Variants in GLIPR1 observed in about 807,000 individuals in gnomAD.
GLIPR1 encodes glioma pathogenesis-related protein 1.
In GLIPR1, 38 loss-of-function variants were observed where a neutral mutation model predicts 30.3. The ratio of observed to expected loss-of-function variants is 1.26; its 90% CI spans 0.97 to 1.65. The LOEUF (loss-of-function observed/expected upper bound fraction) is 1.65, where lower values mean the gene tolerates loss of function less well. Among genes scored for constraint, GLIPR1 ranks in the 40% most tolerant of loss-of-function variants. GLIPR1 has a pLI of 0.00. For synonymous variants in GLIPR1, 122 were observed against 110.6 expected, an observed-to-expected ratio of 1.10 and a Z score of -0.65; for missense variants, 285 against 326.5, an observed-to-expected ratio of 0.87 and a Z score of 0.98.
chr12:75,487,649 G>C, intron 2 of GLIPR1: 1 of 410,334 alleles, frequency 2.4e-6, no homozygotes, highest in South Asian at 1.7e-5. Context: ...CCCTAGTCAC[G>C]TCCCCACTTC....
In GLIPR1 at chr12:75,503,413, A is replaced by AG. The variant is rs985396924; in HGVS notation, c.*4439dup. On this transcript the variant is annotated 3_prime_UTR_variant, in exon 6 of 6. Coordinates refer to ENST00000266659, the MANE Select transcript of GLIPR1 (RefSeq NM_006851.3). The stretch of plus-strand genomic sequence containing the variant: ...CTGAGAAGGTGGGACAGAAGTAAAA[A>AG]GGGGCATGAATCAAAACAATGATGT... 1 of 152,208 alleles carries AG rather than the reference A, an allele frequency of 6.6e-6. No homozygotes were observed. Among genetic ancestry groups the AG allele is most frequent in the Non-Finnish European group, 1.5e-5 (1 of 68,014 alleles). The allele number at this position is 152,208 out of a possible 1,614,324, so 9.4% of individuals were successfully genotyped here. A position where few individuals can be genotyped will look rare whatever the true frequency, so the allele number is the denominator to read the frequency against.
Position 75,498,697 on chromosome 12 carries a change from A to C in GLIPR1, c.623A>C (p.Asn208Thr), listed in dbSNP as rs755963187. The change falls in exon 5 of 6, where the codon AAC becomes ACC. Residue 208 changes from asparagine to threonine, a missense_variant. Coordinates refer to ENST00000266659, the MANE Select transcript of GLIPR1 (RefSeq NM_006851.3). Reference protein sequence around the residue: ...NDKCLDNLCVNRQRDQVKRYY... With the variant: ...NDKCLDNLCVTRQRDQVKRYY... ...TTTCTTCCCCCTAACTTTACAGTTAACCGACAGCGAGACCAAGTCAAACGT... is the reference window on the plus strand; with the variant it reads ...TTTCTTCCCCCTAACTTTACAGTTACCCGACAGCGAGACCAAGTCAAACGT... 10 of 1,612,502 alleles carry C rather than the reference A, an allele frequency of 6.2e-6. No individual in the cohort carries two copies. In the African/African-American group the frequency reaches 1.3e-4, roughly 22 times the overall value.
chr12:75,481,840 G>T lies in GLIPR1; in HGVS notation c.181G>T (p.Asp61Tyr). The change falls in exon 2 of 6, where the codon GAC becomes TAC. Residue 61 changes from aspartate (D) to tyrosine (Y), a missense_variant. Physicochemically the swap from Asp to Tyr is radical, Grantham distance 160. Coordinates refer to ENST00000266659, the MANE Select transcript of GLIPR1 (RefSeq NM_006851.3). ...TTAATGTTTATTTTTGCAGACTTGG[G>T]ACCCAGCACTAGCCCAAATTGCAAA... ...TASDMLYMTW[D>Y]PALAQIAKAW... 2 of 1,613,908 alleles carry T rather than the reference G, an allele frequency of 1.2e-6. No individual in the cohort carries two copies. The highest frequency in any genetic ancestry group is 1.1e-5 in the South Asian group (1 of 91,062).
At chr12:75,491,544 C>T (rs1195917164) in intron 3 of GLIPR1, 2 of 152,076 alleles carry the variant, frequency 1.3e-5, no homozygotes, top group African/African-American at 4.8e-5. Flanking sequence ...AGACTGTGAC[C>T]ATTTTTGTTT....
At chr12:75,487,583 T>C (rs2046299457) in intron 2 of GLIPR1, among the ~76,000 whole-genome samples, 1 of 152,088 alleles carries the variant, frequency 6.6e-6, no homozygotes, top group African/African-American at 2.4e-5. Context: ...CAAAGGAGGG[T>C]ACCCTCTCCA....
Position 75,503,804 on chromosome 12 carries a change from T to C in GLIPR1, c.*4826T>C. On this transcript the variant is annotated 3_prime_UTR_variant, in exon 6 of 6. Transcript: ENST00000266659. ...TCTGCACACACACACACAATATATA[T>C]ATATACACATATCCCACCTGAAATA... The C allele has an allele frequency of 9.6e-7, 1 of 1,037,292 alleles. No individual in the cohort carries two copies. The highest frequency in any genetic ancestry group is 2.4e-5 in the East Asian group (1 of 41,772). The allele number at this position is 1,037,292 out of a possible 1,614,324, so 64.3% of individuals were successfully genotyped here.
chr12:75,490,502 T>A lies in GLIPR1; in HGVS notation c.517T>A (p.Cys173Ser). The change falls in exon 3 of 6, where the codon TGC becomes AGC. Residue 173 changes from cysteine to serine, a missense_variant. Transcript: ENST00000266659. ...TCTTTCCAATGGAGCACATTTTATA[T>A]GCAACTACGGACCAGGGTAAGTGCC... The part of the protein sequence containing the change: ...DALSNGAHFI[C>S]NYGPGGNYPT... 7.4e-7 allele frequency: 1 copy of A among 1,354,882 alleles called. No homozygotes were observed. The highest frequency in any genetic ancestry group is 1.2e-5 in the South Asian group (1 of 86,464). 83.9% of individuals were successfully genotyped at this position (1,354,882 alleles called of 1,614,324 possible). A position where few individuals can be genotyped will look rare whatever the true frequency, so the allele number is the denominator to read the frequency against.
chr12:75,486,926 T>C (rs184474639), intron 2 of GLIPR1, among the ~76,000 whole-genome samples: 2 of 152,258 alleles, frequency 1.3e-5, no homozygotes, highest in South Asian at 2.1e-4. Flanking sequence ...CATAGAAATG[T>C]ACATCTAAAA....
chr12:75,499,811 AC>A lies in GLIPR1; in HGVS notation c.*834del. 6.3e-7 allele frequency: 1 copy of A among 1,597,006 alleles called. No individual in the cohort carries two copies. Among genetic ancestry groups the A allele is most frequent in the South Asian group, 1.1e-5 (1 of 87,912 alleles). ...CTAGTCAAGGAGTTTTGGGTATGTT[AC>A]TTTTTTTTCTTCTTTTTCTTTTCAT... is the stretch of plus-strand genomic sequence containing the variant. On this transcript the variant is annotated 3_prime_UTR_variant, in exon 6 of 6. Transcript: ENST00000266659.
At position 75,485,056 on chromosome 12, in the gene GLIPR1, G is replaced by A. The variant is rs536181269; in HGVS notation, c.420+2977G>A. Among the ~76,000 whole-genome samples, 4 of 152,212 alleles carry A rather than the reference G, an allele frequency of 2.6e-5. No individual in the cohort carries two copies. The East Asian group carries it at 7.7e-4, about 29-fold the overall frequency. ...TTCATCATGACAAGAAATCTTCCTG[G>A]GGGACTCAAAACTACTCAATTGCTG... On this transcript the variant is annotated intron_variant, in intron 2 of 5. Coordinates refer to ENST00000266659, the MANE Select transcript of GLIPR1 (RefSeq NM_006851.3).
At chr12:75,493,075 C>G (rs1236788922) in intron 3 of GLIPR1, 3 of 152,094 alleles carry the variant, frequency 2.0e-5, no homozygotes, top group Non-Finnish European at 4.4e-5. Context: ...GAGACTGGTG[C>G]CCTCGGTCTG....
chr12:75,495,739 C>A, intron 4 of GLIPR1, 77 bp downstream of exon 4: 1 of 849,658 alleles, frequency 1.2e-6, no homozygotes, highest in South Asian at 1.6e-5. Flanking sequence ...ACAATGAAAC[C>A]ATGTTTTATC....
At position 75,499,979 on chromosome 12, in the gene GLIPR1, T is replaced by TAATA. The variant is rs772093516; in HGVS notation, c.*1002_*1005dup. On this transcript the variant is annotated 3_prime_UTR_variant, in exon 6 of 6. Transcript: ENST00000266659. ...AGACAAATTAAAAGCACAACACATG[T>TAATA]AATACTTTAGATTTTACCAAGTAAA... The TAATA allele has an allele frequency of 2.6e-6, 4 of 1,552,302 alleles. No individual in the cohort carries two copies. In the African/African-American group the frequency reaches 4.2e-5, roughly 16 times the overall value.
chr12:75,489,383 A>T (rs549345625), intron 2 of GLIPR1, among the ~76,000 whole-genome samples: 9 of 152,118 alleles, frequency 5.9e-5, no homozygotes, highest in Non-Finnish European at 1.0e-4. Context: ...CATTTACTTG[A>T]TCTATTATAT....
rs545118512 is a variant in GLIPR1, at chr12:75,491,123, G to T, written c.533+605G>T. Reference sequence around the variant, plus strand: ...TCTATTTTTCACTTAAAATTATGCTGTGAAAAATTTTCCTTTTCAAAATTT... The same window carrying T: ...TCTATTTTTCACTTAAAATTATGCTTTGAAAAATTTTCCTTTTCAAAATTT... On this transcript the variant is annotated intron_variant, in intron 3 of 5. Coordinates refer to ENST00000266659, the MANE Select transcript of GLIPR1 (RefSeq NM_006851.3). The T allele has an allele frequency of 2.0e-5, 3 of 152,212 alleles. No homozygotes were observed. In the East Asian group the frequency reaches 5.8e-4, roughly 29 times the overall value. 9.4% of individuals were successfully genotyped at this position (152,212 alleles called of 1,614,324 possible). A position where few individuals can be genotyped will look rare whatever the true frequency, so the allele number is the denominator to read the frequency against.
chr12:75,495,738 C>A, intron 4 of GLIPR1, 76 bp downstream of exon 4: 2 of 879,392 alleles, frequency 2.3e-6, no homozygotes, highest in South Asian at 3.1e-5. Flanking sequence ...AACAATGAAA[C>A]CATGTTTTAT....
At chr12:75,481,281 C>A in intron 1 of GLIPR1, 1 of 368,932 alleles carries the variant, frequency 2.7e-6, no homozygotes, top group Non-Finnish European at 4.8e-6. Flanking sequence ...TGGACACTTC[C>A]TGTTTTCTGG....
intron 4 of GLIPR1, 42 bp downstream of exon 4, chr12:75,495,704 T>A: frequency 9.3e-7 from 1 of 1,073,908 alleles, no homozygotes; most frequent in Non-Finnish European, 1.4e-6. Context: ...AACATAATAG[T>A]AACATGTAAC....
chr12:75,484,828 G>A (rs2046286439), intron 2 of GLIPR1: 1 of 174,200 alleles, frequency 5.7e-6, no homozygotes, highest in African/African-American at 2.4e-5. Flanking sequence ...AGTTACTTCA[G>A]GCCATCTGGA....
Sources: allele counts gnomAD v4.1 joint callset (sites outside exome capture counted in the v4.1 genomes callset), GRCh38; gene constraint gnomAD v4.1.1; transcripts MANE v1.5; gene names NCBI Gene and HGNC (gene_info 2026-07-23, HGNC 2026-07-21).